The following EPS8L2 variants were observed in gnomAD, a reference collection of about 807,000 sequenced individuals.
EPS8L2 encodes EPS8 signaling adaptor L2, also known as epidermal growth factor receptor kinase substrate 8-like protein 2.
In EPS8L2, 81 loss-of-function variants were observed where a neutral mutation model predicts 99.4. The ratio of observed to expected loss-of-function variants is 0.82; its 90% CI spans 0.68 to 0.98. The LOEUF (loss-of-function observed/expected upper bound fraction) is 0.98. Ranked by LOEUF, EPS8L2 falls within the 50% of genes least tolerant of loss-of-function variation. The pLI is 0.00. For missense variants in EPS8L2, 1,155 were observed against 968.8 expected (o/e 1.19, Z -2.55); for synonymous variants, 509 against 407.3 (o/e 1.25, Z -3.01).
intron 4 of EPS8L2, among the ~76,000 whole-genome samples, chr11:714,679 T>A (rs564851987): frequency 9.9e-4 from 151 of 151,846 alleles, no homozygotes; most frequent in Middle Eastern, 3.4e-3. Flanking sequence ...ATTTTATTTT[T>A]TTTTGAGACA....
Position 721,549 on chromosome 11 carries a change from C to T in EPS8L2, c.769-16C>T, listed in dbSNP as rs755414883. On this transcript the variant is annotated splice_polypyrimidine_tract_variant and intron_variant, in intron 9 of 20. Coordinates refer to ENST00000318562, the MANE Select transcript of EPS8L2 (RefSeq NM_022772.4). ...GGGAGTGTCAGGGGCTGACCCCTGA[C>T]CCCCTCTGACCCCAGCAAATCCTCA... 3.3e-6 allele frequency: 5 copies of T among 1,535,108 alleles called. No individual in the cohort carries two copies. The highest frequency in any genetic ancestry group is 4.5e-5 in the East Asian group (2 of 44,088).
intron 4 of EPS8L2, 71 bp downstream of exon 4, chr11:710,557 C>A: frequency 7.3e-7 from 1 of 1,375,908 alleles, no homozygotes. Flanking sequence ...CTCAGGTTCT[C>A]GTCTCCACAA....
chr11:714,810 G>T (rs1466352611), intron 4 of EPS8L2, among the ~76,000 whole-genome samples: 1 of 151,942 alleles, frequency 6.6e-6, no homozygotes, highest in East Asian at 1.9e-4. Context: ...TAATATTGTT[G>T]TTAGGGGTAT....
At chr11:709,254 G>C (rs1278971872) in intron 1 of EPS8L2, 76 bp from the exon 2 acceptor site, 3 of 912,202 alleles carry the variant, frequency 3.3e-6, no homozygotes, top group African/African-American at 3.3e-5. Context: ...GGCCAGTCAG[G>C]GATCTGGCCC....
chr11:721,903 AG>A lies in EPS8L2; in HGVS notation c.899del (p.Gly300AlafsTer54). On this transcript the variant is annotated frameshift_variant and splice_region_variant, in exon 11 of 21. Transcript: ENST00000318562. LOFTEE classifies it high-confidence loss of function. ...GCTCACGCGGTGCCTCCCATGCCAG[AG>A]GGCGTCCTCACACTGCGGGCACGGC... ...GKKKGKKAPA[E>X]GVLTLRARPP... The A allele has an allele frequency of 6.3e-7, 1 of 1,584,552 alleles. No homozygotes were observed. The highest frequency in any genetic ancestry group is 8.6e-7 in the Non-Finnish European group (1 of 1,166,036).
intron 8 of EPS8L2, 30 bp from the exon 9 acceptor site, chr11:721,255 T>C: frequency 6.5e-7 from 1 of 1,537,490 alleles, no homozygotes; most frequent in East Asian, 2.5e-5. Context: ...TGTGGGGGGC[T>C]CGGTGAGCAG....
chr11:707,722 C>T (rs978940787), intron 1 of EPS8L2, among the ~76,000 whole-genome samples: 1 of 152,134 alleles, frequency 6.6e-6, no homozygotes, highest in Non-Finnish European at 1.5e-5. Context: ...CTGAGGTCCC[C>T]GATGCCCTGC....
In EPS8L2 at chr11:720,606, G is replaced by C; in HGVS notation, c.337G>C (p.Glu113Gln). The change falls in exon 6 of 21, where the codon GAA becomes CAA. Residue 113 changes from glutamate to glutamine, a missense_variant. By Grantham distance (29) the Glu-to-Gln change is conservative. Transcript: ENST00000318562. ...CGCGATGTACCCGCAGGAGGAGCTGGAAGACTTCCCGCTGCCCACGGTGCA... is the reference window on the plus strand; with the variant it reads ...CGCGATGTACCCGCAGGAGGAGCTGCAAGACTTCCCGCTGCCCACGGTGCA... ...LLDIESQEEL[E>Q]DFPLPTVQRS... 1 of 1,600,150 alleles carries C rather than the reference G, an allele frequency of 6.2e-7. No individual in the cohort carries two copies. Among genetic ancestry groups the C allele is most frequent in the Non-Finnish European group, 8.5e-7 (1 of 1,175,110 alleles).
chr11:709,241 C>T lies in EPS8L2; in HGVS notation c.-78-89C>T, dbSNP rs1378679853. 12 of 829,724 alleles carry T rather than the reference C, an allele frequency of 1.4e-5. No homozygotes were observed. In the East Asian group the frequency reaches 2.4e-4, roughly 17 times the overall value. 51.4% of individuals were successfully genotyped at this position (829,724 alleles called of 1,614,324 possible). A position where few individuals can be genotyped will look rare whatever the true frequency, so the allele number is the denominator to read the frequency against. On this transcript the variant is annotated intron_variant, in intron 1 of 20. Coordinates refer to ENST00000318562, the MANE Select transcript of EPS8L2 (RefSeq NM_022772.4). ...GCCCCCCAAGGGACCCCCACCCAGGCCAGGCCAGTCAGGGATCTGGCCCAG... is the reference window on the plus strand; with the variant it reads ...GCCCCCCAAGGGACCCCCACCCAGGTCAGGCCAGTCAGGGATCTGGCCCAG...
At position 721,318 on chromosome 11, in the gene EPS8L2, G is replaced by A. The variant is rs539991215; in HGVS notation, c.734G>A (p.Arg245Gln). The A allele has an allele frequency of 2.5e-5, 39 of 1,539,930 alleles. No individual in the cohort carries two copies. The Admixed American group carries it at 6.9e-4, about 27-fold the overall frequency. The change falls in exon 9 of 21, where the codon CGG becomes CAG. Residue 245 changes from arginine (R) to glutamine (Q), a missense_variant. Transcript: ENST00000318562. ...FRRRESQEEP[R>Q]AVLAQKIEKE... ...CGTCGGGAGTCGCAGGAGGAGCCGC[G>A]GGCCGTGCTGGCTCAGAAGATAGAG...
chr11:725,762 G>A lies in EPS8L2; in HGVS notation c.1595G>A (p.Arg532His), dbSNP rs768220741. Reference protein sequence around the residue: ...LEDGRQWWKLRSRSGQAGYVP... With the variant: ...LEDGRQWWKLHSRSGQAGYVP... ...GACGGCCGGCAGTGGTGGAAGCTGC[G>A]CAGCCGCAGCGGCCAGGCGGGGTAC... is the stretch of plus-strand genomic sequence containing the variant. Residue 532 changes from arginine to histidine, a missense_variant, in exon 17 of 21, where the codon CGC becomes CAC. Arg to His is a conservative substitution (Grantham distance 29). Coordinates refer to ENST00000318562, the MANE Select transcript of EPS8L2 (RefSeq NM_022772.4). 3.0e-6 allele frequency: 4 copies of A among 1,347,822 alleles called. No individual in the cohort carries two copies. The highest frequency in any genetic ancestry group is 3.8e-6 in the Non-Finnish European group (4 of 1,052,820). The allele number at this position is 1,347,822 out of a possible 1,614,324, so 83.5% of individuals were successfully genotyped here.
chr11:725,389 T>G (rs1862285931), intron 16 of EPS8L2, among the ~76,000 whole-genome samples: 1 of 152,170 alleles, frequency 6.6e-6, no homozygotes, highest in South Asian at 2.1e-4. Context: ...TGTGTGCCTG[T>G]GGTCCCAGCT....
intron 4 of EPS8L2, among the ~76,000 whole-genome samples, chr11:714,085 G>A (rs889832885): frequency 6.6e-6 from 1 of 152,170 alleles, no homozygotes; most frequent in African/African-American, 2.4e-5. Context: ...CCATTCGTAT[G>A]TGTTTTTCTT....
At chr11:713,101 G>A (rs74048007) in intron 4 of EPS8L2, among the ~76,000 whole-genome samples, 6,659 of 152,316 alleles carry the variant, frequency 0.044, 214 homozygotes, top group African/African-American at 0.091. Context: ...TGAGGACACT[G>A]GGGACCAGAG....
intron 4 of EPS8L2, among the ~76,000 whole-genome samples, chr11:716,788 TA>T (rs1862038047): frequency 6.6e-6 from 1 of 152,236 alleles, no homozygotes; most frequent in Non-Finnish European, 1.5e-5. Flanking sequence ...GTTTCTACCT[TA>T]ATTCTGTTAT....
At chr11:726,569 A>G in intron 19 of EPS8L2, 50 bp from the exon 20 acceptor site, 1 of 1,515,862 alleles carries the variant, frequency 6.6e-7, no homozygotes, top group Non-Finnish European at 8.8e-7. Flanking sequence ...GGCGGGCGCC[A>G]GGCAGCCTCG....
chr11:718,534 C>T (rs764367707), intron 4 of EPS8L2, among the ~76,000 whole-genome samples: 2 of 149,082 alleles, frequency 1.3e-5, no homozygotes. Context: ...TGCCCAGGCT[C>T]AGTGCAGTGG....
rs935593181 is a variant in EPS8L2 at position 721,341 on chromosome 11, GAGA to G, written c.760_762del (p.Lys254del). 1.6e-5 allele frequency: 25 copies of G among 1,539,850 alleles called. No homozygotes were observed. Among genetic ancestry groups the G allele is most frequent in the Middle Eastern group, 2.2e-4 (1 of 4,474 alleles). On this transcript the variant is annotated inframe_deletion, in exon 9 of 21. Transcript: ENST00000318562. ...GCGGGCCGTGCTGGCTCAGAAGATA[GAGA>G]AGGAGACGGTGGGTGCCCGGGCCCG...
chr11:715,730 C>T (rs1302301175), intron 4 of EPS8L2, among the ~76,000 whole-genome samples: 2 of 148,818 alleles, frequency 1.3e-5, no homozygotes, highest in Non-Finnish European at 1.5e-5. Flanking sequence ...ACGCCATTCT[C>T]CTGCCTCAGC....
Sources: allele counts gnomAD v4.1 joint callset (sites outside exome capture counted in the v4.1 genomes callset), GRCh38; gene constraint gnomAD v4.1.1; transcripts MANE v1.5; gene names NCBI Gene and HGNC (gene_info 2026-07-23, HGNC 2026-07-21).